Variants in IFTAP observed in about 807,000 individuals in gnomAD.
The protein encoded by IFTAP is intraflagellar transport-associated protein.
A neutral mutation model predicts 19.4 loss-of-function variants in IFTAP; 19 were observed. The observed-to-expected ratio is 0.98, with a 90% CI of 0.68 to 1.44. The LOEUF (loss-of-function observed/expected upper bound fraction) is 1.44, where lower values mean the gene tolerates loss of function less well. Ranked by LOEUF, IFTAP falls within the 40% of genes most tolerant of loss-of-function variation. The pLI is 0.00. For synonymous variants in IFTAP, 85 were observed against 83.5 expected, an observed-to-expected ratio of 1.02 and a Z score of -0.10; for missense variants, 240 against 253.6, an observed-to-expected ratio of 0.95 and a Z score of 0.36.
At chr11:36,608,583 TGAAGTCCAAAC>T (rs1168253859) in intron 1 of IFTAP, among the ~76,000 whole-genome samples, 1 of 152,168 alleles carries the variant, frequency 6.6e-6, no homozygotes, top group Non-Finnish European at 1.5e-5. Flanking sequence ...TAAGTGAAAA[TGAAGTCCAAAC>T]TGTGCTTGGA....
intron 1 of IFTAP, among the ~76,000 whole-genome samples, chr11:36,609,298 G>T: frequency 6.6e-6 from 1 of 152,172 alleles, no homozygotes; most frequent in Non-Finnish European, 1.5e-5. Flanking sequence ...GTATAACCTT[G>T]TTCAAATATT....
intron 2 of IFTAP, among the ~76,000 whole-genome samples, chr11:36,612,446 G>T (rs1028050595): frequency 6.6e-6 from 1 of 151,930 alleles, no homozygotes; most frequent in African/African-American, 2.4e-5. Flanking sequence ...GAGAAACCAG[G>T]ACTTAGGGAC....
chr11:36,648,641 G>T (rs762158921), intron 5 of IFTAP, among the ~76,000 whole-genome samples: 1 of 152,056 alleles, frequency 6.6e-6, no homozygotes, highest in South Asian at 2.1e-4. Flanking sequence ...GCTCCTTTTT[G>T]GGGGGTCATC....
At chr11:36,631,181 C>T (rs1367944581) in intron 2 of IFTAP, among the ~76,000 whole-genome samples, 2 of 151,512 alleles carry the variant, frequency 1.3e-5, no homozygotes, top group African/African-American at 2.5e-5. Context: ...AGGTTGGGTG[C>T]TTCGCACCAG....
At chr11:36,646,365 GA>G (rs1565029564) in intron 4 of IFTAP, among the ~76,000 whole-genome samples, 1 of 152,188 alleles carries the variant, frequency 6.6e-6, no homozygotes, top group African/African-American at 2.4e-5. Context: ...TCCCTCACCA[GA>G]TTTGTACCAG....
chr11:36,646,381 A>G (rs1853483638), intron 4 of IFTAP, among the ~76,000 whole-genome samples: 1 of 152,158 alleles, frequency 6.6e-6, no homozygotes, highest in African/African-American at 2.4e-5. Context: ...TACCAGTCCT[A>G]GGCTGTTACA....
intron 4 of IFTAP, among the ~76,000 whole-genome samples, chr11:36,643,013 T>G (rs1853300316): frequency 1.3e-5 from 2 of 152,162 alleles, no homozygotes; most frequent in African/African-American, 4.8e-5. Context: ...GCCAGGGCTA[T>G]CAGGCAGGAG....
chr11:36,632,281 A>G lies in IFTAP; in HGVS notation c.137-1003A>G, dbSNP rs558181069. Among the ~76,000 whole-genome samples, 154 of 151,240 alleles carry G rather than the reference A, an allele frequency of 1.0e-3. 3 individuals are homozygous for G. Among genetic ancestry groups the G allele is most frequent in the Non-Finnish European group, 1.9e-3 (129 of 68,016 alleles). On this transcript the variant is annotated intron_variant, in intron 2 of 5. Transcript: ENST00000334307. ...CCTGATTATTAATTTTAATATTATT[A>G]CTAATATTAAAAATAATGTTATGGC...
intron 2 of IFTAP, 64 bp from the exon 3 acceptor site, chr11:36,633,220 A>G: frequency 2.2e-6 from 3 of 1,342,316 alleles, no homozygotes; most frequent in Non-Finnish European, 2.9e-6. Flanking sequence ...TTCTCAATAT[A>G]CACAAAATAA....
intron 5 of IFTAP, among the ~76,000 whole-genome samples, chr11:36,652,541 T>A (rs1333076286): frequency 1.3e-5 from 2 of 152,168 alleles, no homozygotes; most frequent in Non-Finnish European, 2.9e-5. Flanking sequence ...GAATACCCTT[T>A]ATTTCTTTCT....
At chr11:36,611,542 A>G (rs1203696075) in intron 2 of IFTAP, among the ~76,000 whole-genome samples, 2 of 152,144 alleles carry the variant, frequency 1.3e-5, no homozygotes, top group Non-Finnish European at 2.9e-5. Context: ...TAGTAGTTAT[A>G]AGGAAATTAT....
At chr11:36,646,398 C>T (rs981547356) in intron 4 of IFTAP, among the ~76,000 whole-genome samples, 7 of 152,262 alleles carry the variant, frequency 4.6e-5, no homozygotes, top group South Asian at 4.1e-4. Context: ...TACACGAGGA[C>T]GCTCAGTGAG....
intron 2 of IFTAP, among the ~76,000 whole-genome samples, chr11:36,626,465 T>A (rs760861717): frequency 2.0e-5 from 3 of 151,390 alleles, no homozygotes; most frequent in Non-Finnish European, 4.4e-5. Context: ...TAGTGGACTC[T>A]CAGTGTAGAA....
chr11:36,635,670 T>C (rs535067169), intron 3 of IFTAP, among the ~76,000 whole-genome samples: 24 of 152,176 alleles, frequency 1.6e-4, no homozygotes, highest in Non-Finnish European at 2.6e-4. Flanking sequence ...CACCATTTGC[T>C]TGACAGGCAA....
chr11:36,647,495 A>G (rs2133512322), intron 4 of IFTAP, among the ~76,000 whole-genome samples: 1 of 152,282 alleles, frequency 6.6e-6, no homozygotes, highest in Middle Eastern at 3.4e-3. Context: ...GTTGAAAATT[A>G]GACCATGCAT....
intron 2 of IFTAP, among the ~76,000 whole-genome samples, chr11:36,628,063 T>G (rs1565018594): frequency 6.6e-6 from 1 of 150,602 alleles, no homozygotes; most frequent in Admixed American, 6.6e-5. Context: ...CTCCCTTTAC[T>G]TCTCACCTGG....
At chr11:36,639,710 CG>C (rs1853119425) in intron 4 of IFTAP, among the ~76,000 whole-genome samples, 1 of 152,126 alleles carries the variant, frequency 6.6e-6, no homozygotes, top group African/African-American at 2.4e-5. Context: ...GGCACCAAGC[CG>C]TTCCTGAGGG....
intron 5 of IFTAP, among the ~76,000 whole-genome samples, chr11:36,652,465 G>C (rs1249015610): frequency 6.6e-6 from 1 of 152,078 alleles, no homozygotes; most frequent in Admixed American, 6.6e-5. Context: ...GAGACGATGG[G>C]GTTTTCTAGA....
intron 2 of IFTAP, among the ~76,000 whole-genome samples, chr11:36,628,758 T>TA (rs1192699813): frequency 1.3e-5 from 2 of 151,392 alleles, no homozygotes; most frequent in African/African-American, 2.5e-5. Context: ...AGTTTCAACT[T>TA]ACTGCTATTG....
Sources: allele counts gnomAD v4.1 joint callset (sites outside exome capture counted in the v4.1 genomes callset), GRCh38; gene constraint gnomAD v4.1.1; transcripts MANE v1.5; gene names NCBI Gene and HGNC (gene_info 2026-07-23, HGNC 2026-07-21).